The following MTHFD2L variants were observed in gnomAD, a reference collection of about 807,000 sequenced individuals.
The protein encoded by MTHFD2L is methylenetetrahydrofolate dehydrogenase (NADP+ dependent) 2 like, also known as bifunctional methylenetetrahydrofolate dehydrogenase/cyclohydrolase 2, mitochondrial.
In MTHFD2L, 29 loss-of-function variants were observed where a neutral mutation model predicts 34.9. The ratio of observed to expected loss-of-function variants is 0.83; its 90% CI spans 0.62 to 1.13. MTHFD2L has a LOEUF of 1.13. Among genes scored for constraint, MTHFD2L ranks in the 50% most tolerant of loss-of-function variants. The probability of loss-of-function intolerance (pLI) is 0.00; values close to 1 mark genes in which losing one functional copy is unlikely to be tolerated. For missense variants in MTHFD2L, 481 were observed against 446.5 expected, an observed-to-expected ratio of 1.08 and a Z score of -0.70; for synonymous variants, 167 against 155.7, an observed-to-expected ratio of 1.07 and a Z score of -0.54.
At chr4:74,234,869 G>A (rs1740623468) in intron 6 of MTHFD2L, among the ~76,000 whole-genome samples, 1 of 151,838 alleles carries the variant, frequency 6.6e-6, no homozygotes, top group Admixed American at 6.6e-5. Flanking sequence ...AACAGAGAGA[G>A]AGAGCATCAT....
chr4:74,268,839 T>A (rs942542011), intron 6 of MTHFD2L, among the ~76,000 whole-genome samples: 1 of 152,210 alleles, frequency 6.6e-6, no homozygotes, highest in African/African-American at 2.4e-5. Context: ...GGTCACACCT[T>A]CACATTAGGG....
chr4:74,288,665 TACTA>T (rs748459684), intron 7 of MTHFD2L, among the ~76,000 whole-genome samples: 5 of 152,170 alleles, frequency 3.3e-5, no homozygotes, highest in Non-Finnish European at 5.9e-5. Context: ...ATGCTCCACT[TACTA>T]ACTTTTTTCT....
chr4:74,176,931 AAT>A, intron 3 of MTHFD2L, among the ~76,000 whole-genome samples: 1 of 151,970 alleles, frequency 6.6e-6, no homozygotes. Context: ...CCAGCAATAT[AAT>A]GTAATATCTT....
intron 6 of MTHFD2L, among the ~76,000 whole-genome samples, chr4:74,261,581 T>C (rs1277487871): frequency 6.6e-6 from 1 of 152,092 alleles, no homozygotes; most frequent in Non-Finnish European, 1.5e-5. Context: ...CAAAGGCTCA[T>C]GATTTTGCAC....
chr4:74,151,815 A>T (rs1381932324), intron 1 of MTHFD2L, among the ~76,000 whole-genome samples: 1 of 152,058 alleles, frequency 6.6e-6, no homozygotes, highest in Non-Finnish European at 1.5e-5. Context: ...TGCATACATT[A>T]CTCATCACAG....
intron 1 of MTHFD2L, among the ~76,000 whole-genome samples, chr4:74,133,010 C>CATA (rs1722665778): frequency 6.6e-6 from 1 of 152,142 alleles, no homozygotes; most frequent in Non-Finnish European, 1.5e-5. Context: ...TTAGTTAGTA[C>CATA]ACTAATATGT....
chr4:74,233,136 G>A (rs1269873380), intron 6 of MTHFD2L, among the ~76,000 whole-genome samples: 1 of 152,082 alleles, frequency 6.6e-6, no homozygotes, highest in African/African-American at 2.4e-5. Flanking sequence ...CCTTACCTGT[G>A]CATTTATGTA....
At chr4:74,198,827 C>G (rs907156303) in intron 3 of MTHFD2L, among the ~76,000 whole-genome samples, 2 of 152,002 alleles carry the variant, frequency 1.3e-5, no homozygotes, top group African/African-American at 4.8e-5. Context: ...CAGATGAATA[C>G]TTTTATATAT....
chr4:74,130,435 A>G (rs1024593302), intron 1 of MTHFD2L, among the ~76,000 whole-genome samples: 2 of 152,218 alleles, frequency 1.3e-5, no homozygotes, highest in Non-Finnish European at 2.9e-5. Flanking sequence ...GGTTCAAGAT[A>G]TGCAAAAAAA....
At chr4:74,223,228 A>ATAT (rs1486624173) in intron 5 of MTHFD2L, among the ~76,000 whole-genome samples, 2 of 151,880 alleles carry the variant, frequency 1.3e-5, no homozygotes, top group Non-Finnish European at 2.9e-5. Flanking sequence ...GTGTGTGTGT[A>ATAT]TATATACACA....
intron 3 of MTHFD2L, among the ~76,000 whole-genome samples, chr4:74,186,757 T>G (rs1256902098): frequency 6.6e-6 from 1 of 152,122 alleles, no homozygotes; most frequent in Non-Finnish European, 1.5e-5. Flanking sequence ...CCAATTTTCC[T>G]CCAACTGATT....
chr4:74,249,084 T>TA (rs1263485158), intron 6 of MTHFD2L, among the ~76,000 whole-genome samples: 1 of 152,192 alleles, frequency 6.6e-6, no homozygotes, highest in Non-Finnish European at 1.5e-5. Flanking sequence ...AGTGGGGTGT[T>TA]AAAGTCTCCC....
intron 1 of MTHFD2L, chr4:74,160,115 T>A: frequency 7.8e-7 from 1 of 1,286,802 alleles, no homozygotes; most frequent in Non-Finnish European, 1.0e-6. Flanking sequence ...TCCCCACTTG[T>A]CCCCATCCAC....
intron 3 of MTHFD2L, chr4:74,190,562 G>A (rs1732297372): frequency 1.0e-6 from 1 of 979,406 alleles, no homozygotes; most frequent in South Asian, 4.7e-5. Flanking sequence ...CTCAGAATTT[G>A]GGGTGGAGTA....
At chr4:74,210,330 G>C (rs1375683874) in intron 5 of MTHFD2L, among the ~76,000 whole-genome samples, 1 of 152,068 alleles carries the variant, frequency 6.6e-6, no homozygotes, top group African/African-American at 2.4e-5. Context: ...TAGGCCTTTT[G>C]TTTAAGGCTT....
intron 7 of MTHFD2L, among the ~76,000 whole-genome samples, chr4:74,283,359 A>G (rs1747739063): frequency 6.6e-6 from 1 of 152,144 alleles, no homozygotes; most frequent in Non-Finnish European, 1.5e-5. Context: ...GTATATGCTT[A>G]GTAGCACATA....
rs184978252 is a variant in MTHFD2L, at chr4:74,207,490, G to A, written c.712+6120G>A. ...ACTTATTATCTGGGAAACACTGTGG[G>A]ATACTACTGCATCCCACAGAAAAAG... On this transcript the variant is annotated intron_variant, in intron 5 of 7. Transcript: ENST00000325278. Among the ~76,000 whole-genome samples the A allele has an allele frequency of 2.6e-5, 4 of 152,192 alleles. No individual in the cohort carries two copies. The East Asian group carries it at 5.8e-4, about 22-fold the overall frequency.
intron 6 of MTHFD2L, among the ~76,000 whole-genome samples, chr4:74,251,106 C>A (rs1440773523): frequency 1.3e-5 from 2 of 152,174 alleles, no homozygotes; most frequent in Admixed American, 1.3e-4. Flanking sequence ...ACTCTAAGAT[C>A]TAAGATGAAC....
At chr4:74,150,311 TG>T (rs1723852559) in intron 1 of MTHFD2L, among the ~76,000 whole-genome samples, 1 of 152,250 alleles carries the variant, frequency 6.6e-6, no homozygotes, top group South Asian at 2.1e-4. Flanking sequence ...TGGAGTGCAA[TG>T]GTGCGATCTC....
Sources: allele counts gnomAD v4.1 joint callset (sites outside exome capture counted in the v4.1 genomes callset), GRCh38; gene constraint gnomAD v4.1.1; transcripts MANE v1.5; gene names NCBI Gene and HGNC (gene_info 2026-07-23, HGNC 2026-07-21).